WWP1: variants seen among roughly 807,000 people sequenced by gnomAD.
WWP1 encodes the protein WW domain containing E3 ubiquitin protein ligase 1.
WWP1 carries 49 observed loss-of-function variants against 130.6 expected under a neutral mutation model. The observed-to-expected ratio is 0.38, with a 90% CI of 0.30 to 0.48. WWP1 has a LOEUF of 0.48. Among genes scored for constraint, WWP1 ranks in the 20% least tolerant of loss-of-function variants. The pLI is 0.99. For missense variants in WWP1, 809 were observed against 1,100.6 expected (o/e 0.74, Z 3.75); for synonymous variants, 332 against 367.8 (o/e 0.90, Z 1.11).
rs1326904473 is a variant in WWP1 at position 86,423,863 on chromosome 8, C to T, written c.1062-1360C>T. ...GGCGGCTGGGCAGAGGCGCCCCCCA[C>T]CTCCCTCCCGGACGGGGCGGCTGGC... On this transcript the variant is annotated intron_variant, in intron 9 of 24. Transcript: ENST00000517970. Among the ~76,000 whole-genome samples, 4 of 148,948 alleles carry T rather than the reference C, an allele frequency of 2.7e-5. No individual in the cohort carries two copies. In the South Asian group the frequency reaches 8.6e-4, roughly 32 times the overall value.
At chr8:86,450,713 T>C (rs1426062407) in intron 20 of WWP1, among the ~76,000 whole-genome samples, 1 of 152,170 alleles carries the variant, frequency 6.6e-6, no homozygotes, top group Non-Finnish European at 1.5e-5. Flanking sequence ...TTAATCTTGC[T>C]CTTGAAAATT....
intron 20 of WWP1, among the ~76,000 whole-genome samples, 179 bp from the exon 21 acceptor site, chr8:86,452,380 C>G (rs1172916941): frequency 6.6e-6 from 1 of 151,694 alleles, no homozygotes; most frequent in Admixed American, 6.6e-5. Flanking sequence ...AACTGATTTC[C>G]TCAAATGTGT....
At chr8:86,348,961 G>A (rs1822757544) in intron 1 of WWP1, among the ~76,000 whole-genome samples, 1 of 152,220 alleles carries the variant, frequency 6.6e-6, no homozygotes, top group African/African-American at 2.4e-5. Flanking sequence ...CTTTCCAGCA[G>A]AGTTGCTGGC....
At chr8:86,408,783 G>A (rs1318148584) in intron 8 of WWP1, among the ~76,000 whole-genome samples, 1 of 152,082 alleles carries the variant, frequency 6.6e-6, no homozygotes, top group Non-Finnish European at 1.5e-5. Context: ...GGTGACGCAT[G>A]CCTATAATCC....
intron 1 of WWP1, among the ~76,000 whole-genome samples, chr8:86,362,726 T>C (rs1039677396): frequency 6.6e-6 from 1 of 152,072 alleles, no homozygotes; most frequent in Non-Finnish European, 1.5e-5. Context: ...CTTCAGAAAG[T>C]AGGAGGGTAT....
At chr8:86,360,193 G>A (rs930898289) in intron 1 of WWP1, among the ~76,000 whole-genome samples, 9 of 151,218 alleles carry the variant, frequency 6.0e-5, no homozygotes, top group Non-Finnish European at 1.0e-4. Context: ...CATCTTTTAC[G>A]CTTATGTTTC....
chr8:86,438,455 CTT>C, intron 16 of WWP1, 128 bp from the exon 17 acceptor site: 1 of 656,644 alleles, frequency 1.5e-6, no homozygotes, highest in Non-Finnish European at 2.4e-6. Flanking sequence ...CAATTCATCT[CTT>C]GAGTTAAAAG....
intron 14 of WWP1, among the ~76,000 whole-genome samples, chr8:86,434,157 G>A (rs541590022): frequency 1.3e-5 from 2 of 152,204 alleles, no homozygotes; most frequent in South Asian, 4.1e-4. Flanking sequence ...TCTCCATACA[G>A]CACAGAGACT....
chr8:86,370,420 T>C (rs1824219085), intron 2 of WWP1, among the ~76,000 whole-genome samples: 1 of 152,190 alleles, frequency 6.6e-6, no homozygotes, highest in African/African-American at 2.4e-5. Context: ...CTAGTTTCTT[T>C]ATTGTGTGCA....
chr8:86,351,406 A>G (rs140149916), intron 1 of WWP1, among the ~76,000 whole-genome samples: 80 of 152,160 alleles, frequency 5.3e-4, no homozygotes, highest in Non-Finnish European at 8.8e-4. Context: ...TAGTGTGATC[A>G]TGGTTCATAG....
At chr8:86,389,481 A>G (rs924205417) in intron 5 of WWP1, among the ~76,000 whole-genome samples, 1 of 152,268 alleles carries the variant, frequency 6.6e-6, no homozygotes, top group Admixed American at 6.5e-5. Context: ...GGGTAAGGTT[A>G]TAGATTAACA....
intron 9 of WWP1, among the ~76,000 whole-genome samples, chr8:86,423,745 C>G (rs973144322): frequency 6.6e-6 from 1 of 152,142 alleles, no homozygotes; most frequent in African/African-American, 2.4e-5. Context: ...TGGTACACTT[C>G]CCAGACGGGG....
chr8:86,374,101 G>T lies in WWP1; in HGVS notation c.51G>T (p.Arg17Ser), dbSNP rs750444457. ...ATACTAGTAATAACCACAGTGGAAG[G>T]TTGCAGTTACAGGTAACTGGTAAGT... ...RSDTSNNHSG[R>S]LQLQVTVSSA... The change falls in exon 3 of 25, where the codon AGG (arginine) becomes AGT (serine). Residue 17 changes from arginine to serine, a missense_variant. Physicochemically the swap from Arg to Ser is moderately radical, Grantham distance 110. Around this residue, in one of 3 missense-constraint regions of WWP1, gnomAD observed 262 missense variants for 346.0 expected, o/e 0.76. Coordinates refer to ENST00000517970, the MANE Select transcript of WWP1 (RefSeq NM_007013.4). 16 of 1,608,262 alleles carry T rather than the reference G, an allele frequency of 9.9e-6. No homozygotes were observed. Among genetic ancestry groups the T allele is most frequent in the African/African-American group, 1.3e-5 (1 of 74,522 alleles).
intron 9 of WWP1, among the ~76,000 whole-genome samples, chr8:86,416,512 G>T (rs2130595683): frequency 6.6e-6 from 1 of 152,084 alleles, no homozygotes; most frequent in African/African-American, 2.4e-5. Context: ...GCCAGAAGTT[G>T]CCCAGTCGTT....
At chr8:86,367,891 A>G (rs1354654604) in intron 1 of WWP1, among the ~76,000 whole-genome samples, 1 of 152,160 alleles carries the variant, frequency 6.6e-6, no homozygotes, top group Non-Finnish European at 1.5e-5. Flanking sequence ...TCTGTTCAAC[A>G]TTTATTCCAA....
intron 9 of WWP1, among the ~76,000 whole-genome samples, chr8:86,422,257 A>G (rs1809261722): frequency 6.6e-6 from 1 of 151,920 alleles, no homozygotes. Flanking sequence ...AAAGGAAAAT[A>G]TTTTCTGGTT....
intron 5 of WWP1, among the ~76,000 whole-genome samples, chr8:86,386,586 C>T (rs1243703793): frequency 6.6e-6 from 1 of 152,010 alleles, no homozygotes; most frequent in African/African-American, 2.4e-5. Flanking sequence ...CTTAACTATC[C>T]TTACCTTTCA....
intron 18 of WWP1, among the ~76,000 whole-genome samples, chr8:86,443,677 G>A (rs1036225429): frequency 1.3e-5 from 2 of 152,128 alleles, no homozygotes; most frequent in Non-Finnish European, 2.9e-5. Flanking sequence ...ATATTCTGAA[G>A]GAAAGAGTGT....
At chr8:86,426,244 T>C in intron 10 of WWP1, among the ~76,000 whole-genome samples, 1 of 152,202 alleles carries the variant, frequency 6.6e-6, no homozygotes. Context: ...ATTCATTGAG[T>C]GCCATGACTT....
Sources: allele counts gnomAD v4.1 joint callset (sites outside exome capture counted in the v4.1 genomes callset), GRCh38; gene constraint gnomAD v4.1.1; regional missense constraint gnomAD v4.1.1; transcripts MANE v1.5; gene names NCBI Gene and HGNC (gene_info 2026-07-23, HGNC 2026-07-21).